Variants in CRYBG1 observed in about 807,000 individuals in gnomAD.
The protein encoded by CRYBG1 is beta/gamma crystallin domain-containing protein 1.
CRYBG1 carries 139 observed loss-of-function variants against 189.2 expected under a neutral mutation model. The ratio of observed to expected loss-of-function variants is 0.73; its 90% CI spans 0.64 to 0.85. The LOEUF is 0.85. Among genes scored for constraint, CRYBG1 ranks in the 40% least tolerant of loss-of-function variants. The pLI, the probability that CRYBG1 is intolerant of heterozygous loss-of-function variation, is 0.00. For synonymous variants in CRYBG1, 1,023 were observed against 1,017.1 expected, an observed-to-expected ratio of 1.01 and a Z score of -0.11; for missense variants, 2,611 against 2,675.8, an observed-to-expected ratio of 0.98 and a Z score of 0.53.
Position 106,367,526 on chromosome 6 carries a change from G to A in CRYBG1, c.173+6445G>A, listed in dbSNP as rs191906033. Among the ~76,000 whole-genome samples, 677 of 144,118 alleles carry A rather than the reference G, an allele frequency of 4.7e-3. 5 individuals are homozygous for A. Among genetic ancestry groups the A allele is most frequent in the African/African-American group, 0.016 (637 of 38,860 alleles). 94.5% of individuals were successfully genotyped at this position (144,118 alleles called of 152,430 possible). A position where few individuals can be genotyped will look rare whatever the true frequency, so the allele number is the denominator to read the frequency against. On this transcript the variant is annotated intron_variant, in intron 1 of 21. Coordinates refer to ENST00000633556, the MANE Select transcript of CRYBG1 (RefSeq NM_001371242.2). Reference sequence around the variant, plus strand: ...CACTTGAACCAGGGAGTCAGAGGTTGCAGTGAGCCAAGATTGTGCCACCGT... The same window carrying A: ...CACTTGAACCAGGGAGTCAGAGGTTACAGTGAGCCAAGATTGTGCCACCGT...
chr6:106,485,006 G>T (rs974224921), intron 2 of CRYBG1, among the ~76,000 whole-genome samples: 1 of 151,920 alleles, frequency 6.6e-6, no homozygotes, highest in Non-Finnish European at 1.5e-5. Flanking sequence ...AAAGGTGGGG[G>T]GGATTTCTTT....
rs912565796 is a variant in CRYBG1 at position 106,389,126 on chromosome 6, G to C, written c.173+28045G>C. On this transcript the variant is annotated intron_variant, in intron 1 of 21. Coordinates refer to ENST00000633556, the MANE Select transcript of CRYBG1 (RefSeq NM_001371242.2). ...CAAATCTTCCTTTATAGTTTCCTCT[G>C]TGACTTTTTATCATTTTGTAAATCT... 2.6e-5 allele frequency among the ~76,000 whole-genome samples: 4 copies of C among 152,126 alleles called. No homozygotes were observed. The East Asian group carries it at 5.8e-4, about 22-fold the overall frequency.
rs1416888835 is a variant in CRYBG1 at position 106,360,728 on chromosome 6, CG to C, written c.-180del. On this transcript the variant is annotated 5_prime_UTR_variant, in exon 1 of 22. Coordinates refer to ENST00000633556, the MANE Select transcript of CRYBG1 (RefSeq NM_001371242.2). The stretch of plus-strand genomic sequence containing the variant: ...ACAGCTCGGGCTGCAGTGCTGCTCG[CG>C]CTGCGCTGGGTGCTGGTTCTGCAAC... 5 of 630,224 alleles carry C rather than the reference CG, an allele frequency of 7.9e-6. No homozygotes were observed. The highest frequency in any genetic ancestry group is 1.3e-5 in the Non-Finnish European group (5 of 397,402). 39.0% of individuals were successfully genotyped at this position (630,224 alleles called of 1,614,324 possible).
intron 1 of CRYBG1, among the ~76,000 whole-genome samples, chr6:106,409,678 A>G (rs1412970194): frequency 1.3e-5 from 2 of 152,190 alleles, no homozygotes; most frequent in African/African-American, 2.4e-5. Flanking sequence ...AAACAGATAT[A>G]TAGACCAATG....
intron 1 of CRYBG1, among the ~76,000 whole-genome samples, chr6:106,447,547 AATATATAT>A (rs59943398): frequency 9.9e-5 from 14 of 141,056 alleles, no homozygotes; most frequent in Admixed American, 4.3e-4. Context: ...GTACCTCATA[AATATATAT>A]ATATATATAT....
chr6:106,418,934 C>G (rs115734964), intron 1 of CRYBG1, among the ~76,000 whole-genome samples: 1 of 152,228 alleles, frequency 6.6e-6, no homozygotes, highest in African/African-American at 2.4e-5. Context: ...GTCTGATTTA[C>G]ATAGGGCCTA....
intron 2 of CRYBG1, among the ~76,000 whole-genome samples, chr6:106,462,332 A>G (rs1282440487): frequency 2.0e-5 from 3 of 151,994 alleles, no homozygotes; most frequent in African/African-American, 4.8e-5. Context: ...CACCATGCCC[A>G]GCTAATTTTT....
rs186728493 is a variant in CRYBG1, at chr6:106,571,248, A to G, written c.*2682A>G. On this transcript the variant is annotated 3_prime_UTR_variant, in exon 22 of 22. Coordinates refer to ENST00000633556, the MANE Select transcript of CRYBG1 (RefSeq NM_001371242.2). ...TATATATGACACTAAGAGATTTAGA[A>G]CTTTAAGAGCTGTGGTGACCACATT... 5.9e-5 allele frequency: 9 copies of G among 152,378 alleles called. No homozygotes were observed. In the East Asian group the frequency reaches 1.5e-3, roughly 26 times the overall value. 9.4% of individuals were successfully genotyped at this position (152,378 alleles called of 1,614,324 possible). A position where few individuals can be genotyped will look rare whatever the true frequency, so the allele number is the denominator to read the frequency against.
At position 106,512,005 on chromosome 6, in the gene CRYBG1, G is replaced by A. The variant is rs1330531481; in HGVS notation, c.888G>A (p.Ala296=). ...EQEAFLGVRG[A]PGSPTQERPA... ...AGGCTTTCCTGGGTGTGAGGGGTGC[G>A]CCAGGGTCGCCCACCCAGGAGCGGC... is the stretch of plus-strand genomic sequence containing the variant. The change falls in exon 3 of 22, where the codon GCG becomes GCA. Residue 296 remains alanine (A), a synonymous_variant. Coordinates refer to ENST00000633556, the MANE Select transcript of CRYBG1 (RefSeq NM_001371242.2). 8.2e-5 allele frequency: 125 copies of A among 1,529,840 alleles called. No homozygotes were observed. The highest frequency in any genetic ancestry group is 1.1e-4 in the Non-Finnish European group (122 of 1,143,524). 94.8% of individuals were successfully genotyped at this position (1,529,840 alleles called of 1,614,324 possible). A position where few individuals can be genotyped will look rare whatever the true frequency, so the allele number is the denominator to read the frequency against.
chr6:106,403,915 A>G (rs965856052), intron 1 of CRYBG1, among the ~76,000 whole-genome samples: 3 of 152,264 alleles, frequency 2.0e-5, no homozygotes, highest in Non-Finnish European at 2.9e-5. Context: ...GATGCTAGGA[A>G]TTTGAGAAGG....
At position 106,551,445 on chromosome 6, in the gene CRYBG1, T is replaced by C. The variant is rs567622203; in HGVS notation, c.5313-407T>C. ...AATGAACACCTAGGTTGATTCCACA[T>C]CTTGATATTGTGAATAGTGTGGCAG... On this transcript the variant is annotated intron_variant, in intron 13 of 21. Coordinates refer to ENST00000633556, the MANE Select transcript of CRYBG1 (RefSeq NM_001371242.2). Among the ~76,000 whole-genome samples, 4 of 152,330 alleles carry C rather than the reference T, an allele frequency of 2.6e-5. No homozygotes were observed. The East Asian group carries it at 7.7e-4, about 29-fold the overall frequency.
rs373178193 is a variant in CRYBG1 at position 106,361,975 on chromosome 6, T to TC, written c.173+894_173+895insC. ...TCCTTTTATTTCTTTCTTTCTTTTT[T>TC]TTTTTTTTTTTCTGAGACGGAGTCT... On this transcript the variant is annotated intron_variant, in intron 1 of 21. Transcript: ENST00000633556. 2.0e-3 allele frequency among the ~76,000 whole-genome samples: 260 copies of TC among 129,452 alleles called. 1 individual carries two copies. The highest frequency in any genetic ancestry group is 3.4e-3 in the East Asian group (15 of 4,372). 84.9% of individuals were successfully genotyped at this position (129,452 alleles called of 152,430 possible).
chr6:106,522,723 G>T (rs187103425), intron 4 of CRYBG1, among the ~76,000 whole-genome samples: 105 of 152,268 alleles, frequency 6.9e-4, no homozygotes, highest in Middle Eastern at 6.8e-3. Context: ...AAAATACCTT[G>T]CACCTTTCCT....
At chr6:106,486,914 T>C (rs1772602603) in intron 2 of CRYBG1, among the ~76,000 whole-genome samples, 2 of 152,186 alleles carry the variant, frequency 1.3e-5, no homozygotes, top group African/African-American at 4.8e-5. Context: ...TTCAAGGTTG[T>C]TATTGATAGG....
chr6:106,555,431 G>A (rs1323541642), intron 16 of CRYBG1, among the ~76,000 whole-genome samples: 1 of 152,124 alleles, frequency 6.6e-6, no homozygotes. Flanking sequence ...CTTGAAGAAG[G>A]ATTATTCAAA....
chr6:106,447,836 G>A (rs1771696567), intron 1 of CRYBG1, among the ~76,000 whole-genome samples: 3 of 152,092 alleles, frequency 2.0e-5, no homozygotes, highest in Non-Finnish European at 4.4e-5. Flanking sequence ...TCACCTTTGT[G>A]TGCTTTGATA....
At chr6:106,498,873 CAAAAAG>C (rs1772917899) in intron 2 of CRYBG1, among the ~76,000 whole-genome samples, 1 of 149,772 alleles carries the variant, frequency 6.7e-6, no homozygotes, top group South Asian at 2.1e-4. Context: ...AGACCCGTCT[CAAAAAG>C]AAAAAAAATA....
chr6:106,372,181 A>G (rs79025822), intron 1 of CRYBG1, among the ~76,000 whole-genome samples: 2,480 of 152,368 alleles, frequency 0.016, 81 homozygotes, highest in African/African-American at 0.057. Flanking sequence ...ATGCCACTCC[A>G]TAACTGATCA....
At chr6:106,401,654 G>A (rs1251389070) in intron 1 of CRYBG1, among the ~76,000 whole-genome samples, 31 of 115,840 alleles carry the variant, frequency 2.7e-4, no homozygotes, top group African/African-American at 1.1e-3. Context: ...AGAATATGCG[G>A]TGTTTGGTTT....
Sources: gnomAD v4.1 joint callset for allele counts (sites outside exome capture counted in the v4.1 genomes callset) on GRCh38, gnomAD v4.1.1 for gene constraint, MANE v1.5 for transcripts, NCBI Gene and HGNC (gene_info 2026-07-23, HGNC 2026-07-21) for gene names.